The following CDH26 variants were observed in gnomAD, a reference collection of about 807,000 sequenced individuals.
CDH26 encodes cadherin 26.
A neutral mutation model predicts 90.3 loss-of-function variants in CDH26; 83 were observed. The ratio of observed to expected loss-of-function variants is 0.92; its 90% confidence interval spans 0.77 to 1.10. The LOEUF (loss-of-function observed/expected upper bound fraction) is 1.10, where lower values mean the gene tolerates loss of function less well. Ranked by LOEUF, CDH26 falls within the 50% of genes least tolerant of loss-of-function variation. CDH26 has a pLI of 0.00. For missense variants in CDH26, 1,013 were observed against 1,037.6 expected, an observed-to-expected ratio of 0.98 and a Z score of 0.33; for synonymous variants, 397 against 396.3, an observed-to-expected ratio of 1.00 and a Z score of -0.02.
chr20:60,008,984 G>T (rs947852431), intron 17 of CDH26, among the ~76,000 whole-genome samples: 2 of 152,216 alleles, frequency 1.3e-5, no homozygotes, highest in African/African-American at 4.8e-5. Context: ...CTGCTGGTGA[G>T]GAAGATGAAG....
rs117483205 is a variant in CDH26, at chr20:60,012,104, C to T, written c.2296-423C>T. ...GATAGACCTGAGCACATTTGTGGGT[C>T]GGGAGAAAGGAGCCCACAGCAAGAG... On this transcript the variant is annotated intron_variant, in intron 17 of 17. Coordinates refer to ENST00000348616, the MANE Select transcript of CDH26 (RefSeq NM_177980.4). Among the ~76,000 whole-genome samples the T allele has an allele frequency of 3.5e-3, 532 of 151,268 alleles. 7 individuals carry two copies. Among genetic ancestry groups the T allele is most frequent in the East Asian group, 0.022 (112 of 5,116 alleles).
chr20:60,028,100 G>C (rs1216301432), intron 7 of CDH26, among the ~76,000 whole-genome samples: 1 of 152,092 alleles, frequency 6.6e-6, no homozygotes, highest in Admixed American at 6.5e-5. Flanking sequence ...TTTGCCACCT[G>C]GGTAGGTCTG....
Position 60,006,753 on chromosome 20 carries a change from C to T in CDH26, c.2261C>T (p.Pro754Leu), listed in dbSNP as rs200963310. 2.5e-5 allele frequency: 40 copies of T among 1,613,950 alleles called. No homozygotes were observed. The highest frequency in any genetic ancestry group is 1.6e-4 in the Middle Eastern group (1 of 6,084). The change falls in exon 17 of 18, where the codon CCG (proline) becomes CTG (leucine). Residue 754 changes from proline to leucine, a missense_variant. Coordinates refer to ENST00000348616, the MANE Select transcript of CDH26 (RefSeq NM_177980.4). ...DATMHRQLLA[P>L]VEGRMAETLN... Reference sequence around the variant, plus strand: ...ACAATGCACAGACAACTCCTGGCTCCGGTGGAAGGAAGGATGGCAGAGACA... The same window carrying T: ...ACAATGCACAGACAACTCCTGGCTCTGGTGGAAGGAAGGATGGCAGAGACA...
Position 59,999,621 on chromosome 20 carries a change from G to A in CDH26, c.2055G>A (p.Leu685=). 6.2e-7 allele frequency: 1 copy of A among 1,614,114 alleles called. No individual in the cohort carries two copies. The highest frequency in any genetic ancestry group is 8.5e-7 in the Non-Finnish European group (1 of 1,180,014). ...WSDVEGQRPA[L]LICTAAAGPT... The stretch of plus-strand genomic sequence containing the variant: ...ATGTTGAAGGCCAGAGGCCGGCTCT[G>A]CTCATCTGCACAGCTGCAGCAGGAC... The change falls in exon 14 of 18, where the codon CTG becomes CTA. Residue 685 remains leucine (L), a synonymous_variant. Coordinates refer to ENST00000348616, the MANE Select transcript of CDH26 (RefSeq NM_177980.4).
chr20:59,989,220 A>G, intron 9 of CDH26, 57 bp downstream of exon 9: 1 of 1,598,190 alleles, frequency 6.3e-7, no homozygotes, highest in South Asian at 1.1e-5. Context: ...CACATAACCA[A>G]GAGGGCTCCT....
chr20:59,996,969 A>G (rs1297671223), intron 13 of CDH26, among the ~76,000 whole-genome samples: 1 of 152,246 alleles, frequency 6.6e-6, no homozygotes, highest in Non-Finnish European at 1.5e-5. Flanking sequence ...AACCATGAGC[A>G]ATTTTGCCCC....
intron 7 of CDH26, among the ~76,000 whole-genome samples, chr20:60,023,921 T>G (rs1047925709): frequency 1.3e-5 from 2 of 151,758 alleles, no homozygotes; most frequent in Non-Finnish European, 2.9e-5. Flanking sequence ...AAGCCCTTCC[T>G]TCCCATGGCT....
At chr20:60,012,451 C>T (rs112781723) in intron 17 of CDH26, 76 bp from the exon 18 acceptor site, 49 of 1,410,592 alleles carry the variant, frequency 3.5e-5, no homozygotes, top group African/African-American at 3.1e-4. Context: ...ATGTGTTCCT[C>T]GAATCAAACC....
intron 4 of CDH26, among the ~76,000 whole-genome samples, chr20:59,973,381 C>A (rs1479420499): frequency 6.6e-6 from 1 of 151,950 alleles, no homozygotes; most frequent in Middle Eastern, 3.2e-3. Context: ...TTATTTTTTC[C>A]TTTCCTTTTA....
chr20:59,966,014 G>A (rs1173230026), intron 1 of CDH26, among the ~76,000 whole-genome samples: 4 of 151,948 alleles, frequency 2.6e-5, no homozygotes, highest in Admixed American at 2.6e-4. Flanking sequence ...TTAATTATTA[G>A]GAAGCTTTCA....
At chr20:60,026,390 TAGAGAGAGAGAGAGAGAGAG>T (rs60922926) in intron 7 of CDH26, among the ~76,000 whole-genome samples, 3 of 139,368 alleles carry the variant, frequency 2.2e-5, no homozygotes, top group Admixed American at 1.4e-4. Context: ...TGGCTGGAGT[TAGAGAGAGAGAGAGAGAGAG>T]AGAGAGAGAG....
intron 7 of CDH26, among the ~76,000 whole-genome samples, chr20:60,021,888 A>ACACACACACACACACG (rs2061959161): frequency 8.1e-6 from 1 of 123,382 alleles, no homozygotes; most frequent in Admixed American, 8.3e-5. Flanking sequence ...ACACACACAC[A>ACACACACACACACACG]CACACACACA....
At chr20:59,980,486 C>T (rs2061382349) in intron 4 of CDH26, among the ~76,000 whole-genome samples, 1 of 151,930 alleles carries the variant, frequency 6.6e-6, no homozygotes, top group Non-Finnish European at 1.5e-5. Flanking sequence ...TTAGTAGACA[C>T]TGGGTTTTGC....
At chr20:59,987,245 G>A (rs963206941) in intron 7 of CDH26, among the ~76,000 whole-genome samples, 2 of 152,180 alleles carry the variant, frequency 1.3e-5, no homozygotes, top group African/African-American at 4.8e-5. Flanking sequence ...TCCAACGGAT[G>A]CACCTTCTGC....
At chr20:59,984,568 T>C in intron 5 of CDH26, 71 bp from the exon 6 acceptor site, 2 of 1,313,400 alleles carry the variant, frequency 1.5e-6, no homozygotes, top group South Asian at 2.7e-5. Context: ...ATTTAGCAAA[T>C]AATTCATCCT....
intron 9 of CDH26, among the ~76,000 whole-genome samples, chr20:59,990,551 A>T (rs1601151940): frequency 6.6e-6 from 1 of 152,230 alleles, no homozygotes; most frequent in Admixed American, 6.5e-5. Context: ...TAGATTTTTT[A>T]AAAATTTACA....
rs1309201741 is a variant in CDH26, at chr20:59,979,365, A to G, written c.394-3558A>G. ...AGGCGCCTGCCACCATGCAAGGCTA[A>G]TTTTTTGTGTTTTAGTAGAGATAGG... On this transcript the variant is annotated intron_variant, in intron 4 of 17. Transcript: ENST00000348616. 2.6e-5 allele frequency among the ~76,000 whole-genome samples: 4 copies of G among 151,760 alleles called. No homozygotes were observed. The East Asian group carries it at 7.7e-4, about 29-fold the overall frequency.
intron 4 of CDH26, among the ~76,000 whole-genome samples, chr20:59,973,325 A>C (rs1390434539): frequency 1.3e-5 from 2 of 152,126 alleles, no homozygotes; most frequent in Non-Finnish European, 2.9e-5. Context: ...ATGGAACCAA[A>C]CATTCAGTGC....
chr20:59,999,509 C>G, intron 13 of CDH26, 77 bp from the exon 14 acceptor site: 4 of 1,263,394 alleles, frequency 3.2e-6, no homozygotes, highest in Non-Finnish European at 4.6e-6. Context: ...GAGAAAATGT[C>G]ATTCCTTTCC....
Sources: gnomAD v4.1 joint callset for allele counts (sites outside exome capture counted in the v4.1 genomes callset) on GRCh38, gnomAD v4.1.1 for gene constraint, MANE v1.5 for transcripts, NCBI Gene and HGNC (gene_info 2026-07-23, HGNC 2026-07-21) for gene names.